ULBP1: variants seen among roughly 807,000 people sequenced by gnomAD.
ULBP1 encodes the protein UL16-binding protein 1.
A neutral mutation model predicts 25.3 loss-of-function variants in ULBP1; 28 were observed. The observed-to-expected ratio is 1.10, with a 90% CI of 0.82 to 1.51. The LOEUF is 1.51. Among genes scored for constraint, ULBP1 ranks in the 40% most tolerant of loss-of-function variants. ULBP1 has a pLI of 0.00. For missense variants in ULBP1, 348 were observed against 290.9 expected (o/e 1.20, Z -1.43); for synonymous variants, 129 against 103.0 (o/e 1.25, Z -1.53).
intron 3 of ULBP1, 60 bp downstream of exon 3, chr6:149,969,420 T>C: frequency 6.3e-7 from 1 of 1,580,844 alleles, no homozygotes; most frequent in Non-Finnish European, 8.6e-7. Flanking sequence ...AGCTGGTGTA[T>C]GTGTGTGAGT....
At chr6:149,970,316 G>C (rs1290036674) in intron 4 of ULBP1, among the ~76,000 whole-genome samples, 169 bp downstream of exon 4, 1 of 151,808 alleles carries the variant, frequency 6.6e-6, no homozygotes, top group Non-Finnish European at 1.5e-5. Flanking sequence ...GCTCAACCTT[G>C]AGTTCTGATG....
In ULBP1 at chr6:149,968,654, C is replaced by T. The variant is rs146008152; in HGVS notation, c.133C>T (p.Pro45Ser). 3 of 1,613,838 alleles carry T rather than the reference C, an allele frequency of 1.9e-6. No individual in the cohort carries two copies. The highest frequency in any genetic ancestry group is 1.7e-6 in the Non-Finnish European group (2 of 1,179,846). The change falls in exon 2 of 5, where the codon CCT becomes TCT. Residue 45 changes from proline to serine, a missense_variant. By Grantham distance (74) the Pro-to-Ser change is moderately conservative (BLOSUM62 -1). Transcript: ENST00000229708. ...YDFIITPKSR[P>S]EPQWCEVQGL... The stretch of plus-strand genomic sequence containing the variant: ...CTTCATCATCACTCCTAAGTCCAGA[C>T]CTGAACCACAGTGGTGTGAAGTTCA...
chr6:149,969,174 A>G lies in ULBP1; in HGVS notation c.439A>G (p.Lys147Glu). The G allele has an allele frequency of 6.2e-7, 1 of 1,614,266 alleles. No individual in the cohort carries two copies. Among genetic ancestry groups the G allele is most frequent in the South Asian group, 1.1e-5 (1 of 91,088 alleles). Residue 147 changes from lysine to glutamate, a missense_variant, in exon 3 of 5, where the codon AAG (lysine) becomes GAG (glutamate). Lys to Glu is a moderately conservative substitution (Grantham distance 56, BLOSUM62 1). Coordinates refer to ENST00000229708, the MANE Select transcript of ULBP1 (RefSeq NM_025218.4). Reference protein sequence around the residue: ...GSWQFLFNGQKFLLFDSNNRK... With the variant: ...GSWQFLFNGQEFLLFDSNNRK... ...TTGGCAGTTCCTCTTCAATGGACAGAAGTTCCTCCTCTTTGACTCAAACAA... is the reference window on the plus strand; with the variant it reads ...TTGGCAGTTCCTCTTCAATGGACAGGAGTTCCTCCTCTTTGACTCAAACAA...
At chr6:149,966,251 G>C (rs921383733) in intron 1 of ULBP1, among the ~76,000 whole-genome samples, 5 of 152,178 alleles carry the variant, frequency 3.3e-5, no homozygotes, top group African/African-American at 4.8e-5. Flanking sequence ...AAATAAAAGG[G>C]AGAGCAGATG....
intron 1 of ULBP1, among the ~76,000 whole-genome samples, chr6:149,967,018 C>T (rs1466464177): frequency 6.6e-6 from 1 of 152,192 alleles, no homozygotes; most frequent in Non-Finnish European, 1.5e-5. Flanking sequence ...ATCCCAGCTA[C>T]AAGAGCAGAG....
At position 149,967,236 on chromosome 6, in the gene ULBP1, G is replaced by A. The variant is rs568375429; in HGVS notation, c.86-1371G>A. Among the ~76,000 whole-genome samples, 9 of 152,370 alleles carry A rather than the reference G, an allele frequency of 5.9e-5. No homozygotes were observed. The East Asian group carries it at 1.3e-3, about 23-fold the overall frequency. Reference sequence around the variant, plus strand: ...CTAAATGCACCTCATGAGTAATAGGGGAGCAAGTTAATGCTTTAGGTCCCT... The same window carrying A: ...CTAAATGCACCTCATGAGTAATAGGAGAGCAAGTTAATGCTTTAGGTCCCT... On this transcript the variant is annotated intron_variant, in intron 1 of 4. Transcript: ENST00000229708.
At chr6:149,967,602 T>G (rs532772603) in intron 1 of ULBP1, among the ~76,000 whole-genome samples, 13 of 152,328 alleles carry the variant, frequency 8.5e-5, no homozygotes, top group African/African-American at 2.9e-4. Flanking sequence ...GAGTTTCCAT[T>G]TCTTTTGGAT....
rs542481722 is a variant in ULBP1 at position 149,964,845 on chromosome 6, C to G, written c.85+711C>G. Among the ~76,000 whole-genome samples the G allele has an allele frequency of 2.3e-5, 3 of 130,778 alleles. No homozygotes were observed. The South Asian group carries it at 8.6e-4, about 38-fold the overall frequency. 85.8% of individuals were successfully genotyped at this position (130,778 alleles called of 152,430 possible). The stretch of plus-strand genomic sequence containing the variant: ...CGAACATCGCCGTCCCCCCGAGTAA[C>G]GCGGTCTCCCCGAACATCGCGGTCC... On this transcript the variant is annotated intron_variant, in intron 1 of 4. Coordinates refer to ENST00000229708, the MANE Select transcript of ULBP1 (RefSeq NM_025218.4).
chr6:149,968,830 G>T lies in ULBP1; in HGVS notation c.309G>T (p.Gly103=), dbSNP rs115267288. The T allele has an allele frequency of 2.0e-5, 32 of 1,614,086 alleles. No individual in the cohort carries two copies. Among genetic ancestry groups the T allele is most frequent in the Non-Finnish European group, 2.5e-5 (30 of 1,180,040 alleles). ...TLRDVVDFLK[G]QLLDIQVENL... ...GAGACGTGGTGGATTTCCTTAAAGG[G>T]CAACTGCTTGACATTCAAGTGGAGA... The change falls in exon 2 of 5, where the codon GGG becomes GGT. Residue 103 remains glycine (G), a synonymous_variant. Transcript: ENST00000229708.
chr6:149,969,008 TC>T, intron 2 of ULBP1, 76 bp from the exon 3 acceptor site: 5 of 1,572,990 alleles, frequency 3.2e-6, no homozygotes, highest in Non-Finnish European at 4.3e-6. Context: ...AGAGAGCAAG[TC>T]CAGGAGCCAG....
In ULBP1 at chr6:149,972,509, G is replaced by A. The variant is rs1368983982; in HGVS notation, c.*1163G>A. On this transcript the variant is annotated 3_prime_UTR_variant, in exon 5 of 5. Coordinates refer to ENST00000229708, the MANE Select transcript of ULBP1 (RefSeq NM_025218.4). ...AACAAAAACAGAAATTGACAAATGGGGCCTCATTAAACTAAAGAGCTTCTG... is the reference window on the plus strand; with the variant it reads ...AACAAAAACAGAAATTGACAAATGGAGCCTCATTAAACTAAAGAGCTTCTG... 2 of 152,034 alleles carry A rather than the reference G, an allele frequency of 1.3e-5. No individual in the cohort carries two copies. The highest frequency in any genetic ancestry group is 2.9e-5 in the Non-Finnish European group (2 of 68,004). The allele number at this position is 152,034 out of a possible 1,614,324, so 9.4% of individuals were successfully genotyped here.
At chr6:149,965,785 C>A (rs891242394) in intron 1 of ULBP1, among the ~76,000 whole-genome samples, 2 of 152,098 alleles carry the variant, frequency 1.3e-5, no homozygotes, top group Non-Finnish European at 2.9e-5. Flanking sequence ...CATTCACTTT[C>A]ACCACCCAGG....
chr6:149,968,007 T>C (rs1016424889), intron 1 of ULBP1, among the ~76,000 whole-genome samples: 20 of 152,232 alleles, frequency 1.3e-4, no homozygotes, highest in Admixed American at 1.1e-3. Flanking sequence ...CTTTTGATTC[T>C]TTCCCTTACA....
Position 149,971,285 on chromosome 6 carries a change from G to A in ULBP1, c.*23-84G>A, listed in dbSNP as rs1005609472. The A allele has an allele frequency of 3.2e-6, 3 of 932,188 alleles. No homozygotes were observed. In the African/African-American group the frequency reaches 5.4e-5, roughly 17 times the overall value. 57.7% of individuals were successfully genotyped at this position (932,188 alleles called of 1,614,324 possible). ...TTATTTGTGGGAGAGGTTCCGAAAT[G>A]GGGAGGGCCTGGGAAGGATCACCCA... On this transcript the variant is annotated intron_variant, in intron 4 of 4. Coordinates refer to ENST00000229708, the MANE Select transcript of ULBP1 (RefSeq NM_025218.4).
At chr6:149,970,292 C>A in intron 4 of ULBP1, 145 bp downstream of exon 4, 2 of 1,206,532 alleles carry the variant, frequency 1.7e-6, no homozygotes, top group Non-Finnish European at 2.3e-6. Context: ...CACCTGTTGG[C>A]AATGACCTGG....
Position 149,969,115 on chromosome 6 carries a change from G to A in ULBP1, c.380G>A (p.Cys127Tyr). 6.2e-7 allele frequency: 1 copy of A among 1,614,238 alleles called. No homozygotes were observed. The highest frequency in any genetic ancestry group is 8.5e-7 in the Non-Finnish European group (1 of 1,180,038). Residue 127 changes from cysteine (C) to tyrosine (Y), a missense_variant, in exon 3 of 5, where the codon TGT becomes TAT. Physicochemically the swap from Cys to Tyr is radical, Grantham distance 194. Coordinates refer to ENST00000229708, the MANE Select transcript of ULBP1 (RefSeq NM_025218.4). The part of the protein sequence containing the change: ...EPLTLQARMS[C>Y]EHEAHGHGRG... ...CTCACCCTGCAGGCCAGGATGTCTT[G>A]TGAGCATGAAGCCCATGGACACGGC...
Position 149,968,808 on chromosome 6 carries a change from A to T in ULBP1, c.287A>T (p.Asp96Val), listed in dbSNP as rs147011623. ...GAAGAACAAACTGAAACACTAAGAG[A>T]CGTGGTGGATTTCCTTAAAGGGCAA... is the stretch of plus-strand genomic sequence containing the variant. ...TWEEQTETLR[D>V]VVDFLKGQLL... The change falls in exon 2 of 5, where the codon GAC (aspartate) becomes GTC (valine). Residue 96 changes from aspartate (D) to valine (V), a missense_variant. Coordinates refer to ENST00000229708, the MANE Select transcript of ULBP1 (RefSeq NM_025218.4). 3.7e-6 allele frequency: 6 copies of T among 1,614,126 alleles called. No individual in the cohort carries two copies. The highest frequency in any genetic ancestry group is 5.1e-6 in the Non-Finnish European group (6 of 1,180,054).
rs1306079125 is a variant in ULBP1 at position 149,970,046 on chromosome 6, A to C, written c.656A>C (p.Gln219Pro). The C allele has an allele frequency of 4.3e-6, 7 of 1,613,476 alleles. No individual in the cohort carries two copies. The highest frequency in any genetic ancestry group is 5.1e-6 in the Non-Finnish European group (6 of 1,179,790). The change falls in exon 4 of 5, where the codon CAA becomes CCA. Residue 219 changes from glutamine to proline, a missense_variant. Gln to Pro is a moderately conservative substitution (Grantham distance 76). Transcript: ENST00000229708. ...CCCTCTCTGGCCCCAGGCACAACCC[A>C]ACCCAAGGCCATGGCCACCACCCTC... The part of the protein sequence containing the change: ...KPPSLAPGTT[Q>P]PKAMATTLSP...
Position 149,968,763 on chromosome 6 carries a change from T to C in ULBP1, c.242T>C (p.Val81Ala). 1 of 1,614,262 alleles carries C rather than the reference T, an allele frequency of 6.2e-7. No homozygotes were observed. Among genetic ancestry groups the C allele is most frequent in the East Asian group, 2.2e-5 (1 of 44,890 alleles). The change falls in exon 2 of 5, where the codon GTC (valine) becomes GCC (alanine). Residue 81 changes from valine (V) to alanine (A), a missense_variant. Physicochemically the swap from Val to Ala is moderately conservative, Grantham distance 64. Transcript: ENST00000229708. ...GCCTTTGCTTCTCTGGGGAAGAAAG[T>C]CAATGTCACAAAAACCTGGGAAGAA... Reference protein sequence around the residue: ...AKAFASLGKKVNVTKTWEEQT... With the variant: ...AKAFASLGKKANVTKTWEEQT...
Sources: gnomAD v4.1 joint callset for allele counts (sites outside exome capture counted in the v4.1 genomes callset) on GRCh38, gnomAD v4.1.1 for gene constraint, MANE v1.5 for transcripts, NCBI Gene and HGNC (gene_info 2026-07-23, HGNC 2026-07-21) for gene names.